MRTFA: variants seen among roughly 807,000 people sequenced by gnomAD.
MRTFA encodes the protein myocardin-related transcription factor A.
In MRTFA, 20 loss-of-function variants were observed where a neutral mutation model predicts 83.5. That is an observed-to-expected ratio of 0.24 (90% CI 0.17 to 0.35). The LOEUF (loss-of-function observed/expected upper bound fraction) is 0.35. Ranked by LOEUF, MRTFA falls within the 10% of genes least tolerant of loss-of-function variation. The probability of loss-of-function intolerance (pLI) is 1.00; values close to 1 mark genes in which losing one functional copy is unlikely to be tolerated. For synonymous variants in MRTFA, 659 were observed against 541.2 expected, an observed-to-expected ratio of 1.22 and a Z score of -3.02; for missense variants, 1,200 against 1,224.7, an observed-to-expected ratio of 0.98 and a Z score of 0.30.
intron 3 of MRTFA, among the ~76,000 whole-genome samples, chr22:40,532,885 TAAAAATAGCA>T (rs1221101778): frequency 2.0e-5 from 3 of 152,204 alleles, no homozygotes; most frequent in East Asian, 3.8e-4. Context: ...AGTAGAGATC[TAAAAATAGCA>T]AAAGAACATT....
At chr22:40,439,980 C>T (rs1288471712) in intron 4 of MRTFA, 1 of 162,024 alleles carries the variant, frequency 6.2e-6, no homozygotes, top group Non-Finnish European at 1.4e-5. Flanking sequence ...GACGAAAGCC[C>T]GTCTCTACTA....
chr22:40,461,625 A>C (rs2053714339), intron 4 of MRTFA, among the ~76,000 whole-genome samples: 1 of 122,552 alleles, frequency 8.2e-6, no homozygotes, highest in East Asian at 2.1e-4. Context: ...TCTACTAAAA[A>C]TACAAAAAAA....
intron 3 of MRTFA, among the ~76,000 whole-genome samples, chr22:40,483,568 C>G (rs1378661774): frequency 6.6e-6 from 1 of 151,572 alleles, no homozygotes; most frequent in African/African-American, 2.4e-5. Context: ...GCCTGTAGTC[C>G]CAGCTACTCG....
At chr22:40,506,989 A>C (rs2054590739) in intron 3 of MRTFA, among the ~76,000 whole-genome samples, 1 of 151,500 alleles carries the variant, frequency 6.6e-6, no homozygotes, top group Admixed American at 6.6e-5. Context: ...GTGAATTCTG[A>C]CTAGGATACA....
At chr22:40,495,785 T>G (rs949341800) in intron 3 of MRTFA, among the ~76,000 whole-genome samples, 12 of 145,888 alleles carry the variant, frequency 8.2e-5, no homozygotes, top group Admixed American at 2.1e-4. Context: ...AAGTACACTG[T>G]CTGGCTGGGT....
chr22:40,488,962 T>C (rs933473170), intron 3 of MRTFA, among the ~76,000 whole-genome samples: 5 of 152,186 alleles, frequency 3.3e-5, no homozygotes, highest in East Asian at 1.9e-4. Context: ...AGATCTTTCA[T>C]AGATCTAACA....
chr22:40,618,487 G>C (rs1386296666), intron 1 of MRTFA, among the ~76,000 whole-genome samples: 1 of 151,958 alleles, frequency 6.6e-6, no homozygotes, highest in Non-Finnish European at 1.5e-5. Context: ...AGAGTATTTC[G>C]GGTAGAGGGA....
intron 12 of MRTFA, 157 bp from the exon 13 acceptor site, chr22:40,417,650 T>G: frequency 5.0e-6 from 3 of 599,210 alleles, no homozygotes; most frequent in Non-Finnish European, 5.8e-6. Context: ...TGAAAGCCAC[T>G]AGGTAGGAAG....
chr22:40,502,406 T>C (rs2054506703), intron 3 of MRTFA, among the ~76,000 whole-genome samples: 1 of 110,272 alleles, frequency 9.1e-6, no homozygotes, highest in Non-Finnish European at 1.9e-5. Context: ...GCAGAGGCGC[T>C]CCTCACATCC....
At chr22:40,429,905 G>C (rs2147091402) in intron 6 of MRTFA, 138 bp from the exon 7 acceptor site, 2 of 892,558 alleles carry the variant, frequency 2.2e-6, no homozygotes, top group African/African-American at 1.7e-5. Flanking sequence ...AAGCAGAGAA[G>C]AGTGGCCTGT....
At chr22:40,594,223 G>A (rs1245034949) in intron 2 of MRTFA, among the ~76,000 whole-genome samples, 3 of 152,142 alleles carry the variant, frequency 2.0e-5, no homozygotes, top group Non-Finnish European at 2.9e-5. Context: ...TGTCTAGTCA[G>A]GTCCTTTGTT....
chr22:40,502,180 CG>C (rs2054499258), intron 3 of MRTFA, among the ~76,000 whole-genome samples: 1 of 144,562 alleles, frequency 6.9e-6, no homozygotes, highest in Non-Finnish European at 1.5e-5. Context: ...ACCTCCCTCC[CG>C]GACGGGGTGG....
chr22:40,530,122 C>T (rs866298736), intron 3 of MRTFA, among the ~76,000 whole-genome samples: 1 of 152,166 alleles, frequency 6.6e-6, no homozygotes, highest in Non-Finnish European at 1.5e-5. Flanking sequence ...ACTAAGAGGA[C>T]TGCACTAGAT....
intron 2 of MRTFA, among the ~76,000 whole-genome samples, chr22:40,588,546 G>GAGA (rs1569341671): frequency 6.6e-6 from 1 of 152,068 alleles, no homozygotes; most frequent in East Asian, 1.9e-4. Flanking sequence ...CTTCCCCATT[G>GAGA]AGAACCACTG....
chr22:40,453,539 G>C (rs1366805742), intron 4 of MRTFA, among the ~76,000 whole-genome samples: 1 of 152,168 alleles, frequency 6.6e-6, no homozygotes, highest in Non-Finnish European at 1.5e-5. Context: ...AGAGCTTTCA[G>C]TAACTCCCAA....
chr22:40,608,500 A>G (rs1050687946), intron 1 of MRTFA, among the ~76,000 whole-genome samples: 1 of 152,230 alleles, frequency 6.6e-6, no homozygotes, highest in African/African-American at 2.4e-5. Flanking sequence ...GGATAATTAC[A>G]GTGCACCAGG....
intron 7 of MRTFA, among the ~76,000 whole-genome samples, chr22:40,426,615 G>A (rs548686831): frequency 6.6e-6 from 1 of 152,128 alleles, no homozygotes; most frequent in East Asian, 1.9e-4. Context: ...TGCCCATGCT[G>A]TTCCCTCTTG....
At chr22:40,512,470 T>C (rs1230856297) in intron 3 of MRTFA, among the ~76,000 whole-genome samples, 1 of 152,204 alleles carries the variant, frequency 6.6e-6, no homozygotes, top group Non-Finnish European at 1.5e-5. Flanking sequence ...CCACTCAGGG[T>C]ACCTTGGTTA....
chr22:40,552,677 C>T (rs1016320928), intron 2 of MRTFA, among the ~76,000 whole-genome samples: 2 of 152,188 alleles, frequency 1.3e-5, no homozygotes, highest in Admixed American at 6.5e-5. Context: ...GAGGCCTCCC[C>T]AGCCCTGTGG....
Sources: allele counts gnomAD v4.1 joint callset (sites outside exome capture counted in the v4.1 genomes callset), GRCh38; gene constraint gnomAD v4.1.1; transcripts MANE v1.5; gene names NCBI Gene and HGNC (gene_info 2026-07-23, HGNC 2026-07-21).